SSBP3: variants seen among roughly 807,000 people sequenced by gnomAD.
SSBP3 encodes single-stranded DNA-binding protein 3.
SSBP3 carries 5 observed loss-of-function variants against 69.6 expected under a neutral mutation model. The observed-to-expected ratio is 0.07, with a 90% CI of 0.04 to 0.15. SSBP3 has a LOEUF of 0.15. SSBP3 is among the 10% of genes least tolerant of loss of function. The pLI is 1.00. For synonymous variants in SSBP3, 196 were observed against 193.4 expected (o/e 1.01, Z -0.11); for missense variants, 312 against 534.0 (o/e 0.58, Z 4.10).
chr1:54,394,674 CTCACTGTCTCCTTAAGACTCCTTT>C (rs1177066376), intron 4 of SSBP3, among the ~76,000 whole-genome samples: 11 of 150,420 alleles, frequency 7.3e-5, no homozygotes, highest in African/African-American at 2.7e-4. Context: ...CCTTCTCAAG[CTCACTGTCTCCTTAAGACTCCTTT>C]TTTTTTTTTT....
intron 4 of SSBP3, among the ~76,000 whole-genome samples, chr1:54,377,062 C>A (rs1390927054): frequency 6.6e-6 from 1 of 152,332 alleles, no homozygotes; most frequent in Middle Eastern, 3.4e-3. Flanking sequence ...GACACACAGT[C>A]CTCAGTCAAG....
intron 4 of SSBP3, among the ~76,000 whole-genome samples, chr1:54,355,854 C>G (rs1030426679): frequency 6.6e-6 from 1 of 152,182 alleles, no homozygotes; most frequent in Non-Finnish European, 1.5e-5. Context: ...CGAGGGGACA[C>G]GATCCCACGT....
At chr1:54,291,535 T>C (rs569387376) in intron 4 of SSBP3, among the ~76,000 whole-genome samples, 2 of 152,350 alleles carry the variant, frequency 1.3e-5, no homozygotes, top group African/African-American at 2.4e-5. Context: ...CTTTAAAGCA[T>C]GCACTAATTG....
chr1:54,340,573 A>G (rs1646589905), intron 4 of SSBP3, among the ~76,000 whole-genome samples: 1 of 152,250 alleles, frequency 6.6e-6, no homozygotes, highest in South Asian at 2.1e-4. Context: ...CTTTATTTTT[A>G]GCCACGCATG....
At chr1:54,388,889 A>G (rs112617191) in intron 4 of SSBP3, among the ~76,000 whole-genome samples, 121 of 152,334 alleles carry the variant, frequency 7.9e-4, no homozygotes, top group African/African-American at 2.6e-3. Context: ...GGGAAACACG[A>G]GGGATGTCCC....
At chr1:54,240,150 C>G (rs1372295594) in intron 13 of SSBP3, among the ~76,000 whole-genome samples, 2 of 149,140 alleles carry the variant, frequency 1.3e-5, no homozygotes, top group African/African-American at 4.9e-5. Context: ...TGCACGCATG[C>G]CCTCTTTTGT....
chr1:54,396,219 A>C (rs890323456), intron 4 of SSBP3, among the ~76,000 whole-genome samples: 2 of 142,620 alleles, frequency 1.4e-5, no homozygotes, highest in Non-Finnish European at 3.0e-5. Context: ...AAAAAAAAAA[A>C]CAACCCCATT....
intron 14 of SSBP3, among the ~76,000 whole-genome samples, chr1:54,231,814 CCTCCCAGGTAGCTGGGA>C (rs1644383676): frequency 6.6e-6 from 1 of 152,200 alleles, no homozygotes; most frequent in South Asian, 2.1e-4. Flanking sequence ...CATGCGTCAG[CCTCCCAGGTAGCTGGGA>C]CTACAGGTGC....
At position 54,405,643 on chromosome 1, in the gene SSBP3, G is replaced by T. The variant is rs538891552; in HGVS notation, c.56+310C>A. On this transcript the variant is annotated intron_variant, in intron 1 of 17. Coordinates refer to ENST00000610401, the Ensembl canonical transcript of SSBP3. Reference sequence around the variant, plus strand: ...GCTGGGGAGAACGTCGAGGCTCGCTGGCGGGACCTCGCCCACCACTCACCG... The same window carrying T: ...GCTGGGGAGAACGTCGAGGCTCGCTTGCGGGACCTCGCCCACCACTCACCG... 3.3e-3 allele frequency: 509 copies of T among 156,176 alleles called. 3 individuals carry two copies. The highest frequency in any genetic ancestry group is 0.012 in the African/African-American group (492 of 41,608). 9.7% of individuals were successfully genotyped at this position (156,176 alleles called of 1,614,324 possible).
intron 5 of SSBP3, among the ~76,000 whole-genome samples, chr1:54,263,239 C>T (rs570306477): frequency 2.0e-5 from 3 of 152,312 alleles, no homozygotes; most frequent in Non-Finnish European, 4.4e-5. Context: ...AAGGACTCTG[C>T]GGAAAAGCAT....
intron 2 of SSBP3, 45 bp downstream of exon 2, chr1:54,404,813 G>C (rs199558772): frequency 2.0e-6 from 2 of 1,013,602 alleles, no homozygotes; most frequent in East Asian, 6.2e-5. Context: ...AATAGTGGGG[G>C]GGGGGGGTGT....
chr1:54,306,819 A>C (rs1032034567), intron 4 of SSBP3, among the ~76,000 whole-genome samples: 2 of 152,068 alleles, frequency 1.3e-5, no homozygotes, highest in African/African-American at 2.4e-5. Flanking sequence ...ATTTTTTTAA[A>C]TAAAAAAGCA....
chr1:54,370,909 T>C (rs116720550), intron 4 of SSBP3, among the ~76,000 whole-genome samples: 86 of 151,738 alleles, frequency 5.7e-4, no homozygotes, highest in African/African-American at 2.0e-3. Context: ...GGGATCCCAG[T>C]GTCTTTGGTG....
intron 9 of SSBP3, among the ~76,000 whole-genome samples, chr1:54,248,492 T>C (rs537019252): frequency 6.6e-6 from 1 of 152,340 alleles, no homozygotes; most frequent in Admixed American, 6.5e-5. Context: ...CTGTCAGGAC[T>C]GTGCTTTCCA....
At chr1:54,384,787 G>T (rs1330139002) in intron 4 of SSBP3, among the ~76,000 whole-genome samples, 1 of 152,116 alleles carries the variant, frequency 6.6e-6, no homozygotes, top group East Asian at 1.9e-4. Flanking sequence ...TCAAAACACA[G>T]AAATATTCCG....
intron 4 of SSBP3, among the ~76,000 whole-genome samples, chr1:54,337,277 T>G (rs1646523599): frequency 1.3e-5 from 2 of 152,014 alleles, no homozygotes; most frequent in Admixed American, 1.3e-4. Context: ...CACACTCAGG[T>G]GGCACAGTGC....
intron 5 of SSBP3, among the ~76,000 whole-genome samples, chr1:54,281,030 A>C (rs1054359431): frequency 6.6e-6 from 1 of 152,216 alleles, no homozygotes; most frequent in Non-Finnish European, 1.5e-5. Flanking sequence ...CAAGTAAAGT[A>C]AACAATGACA....
rs1361844646 is a variant in SSBP3, at chr1:54,258,710, A to T, written c.367-561T>A. On this transcript the variant is annotated intron_variant, in intron 5 of 17. Coordinates refer to ENST00000610401, the Ensembl canonical transcript of SSBP3. The surrounding 1 kb of genome is among the most constrained non-coding windows in gnomAD (Gnocchi z 4.5). Reference sequence around the variant, plus strand: ...TCCTGGGGGCAGGAGGGCCGGGGGCACCGACAGATAAACAACAGAGGCAAG... The same window carrying T: ...TCCTGGGGGCAGGAGGGCCGGGGGCTCCGACAGATAAACAACAGAGGCAAG... 6.6e-6 allele frequency among the ~76,000 whole-genome samples: 1 copy of T among 152,138 alleles called. No individual in the cohort carries two copies. The highest frequency in any genetic ancestry group is 1.5e-5 in the Non-Finnish European group (1 of 68,012).
At chr1:54,316,449 C>T (rs1325213684) in intron 4 of SSBP3, among the ~76,000 whole-genome samples, 3 of 147,006 alleles carry the variant, frequency 2.0e-5, no homozygotes, top group African/African-American at 7.6e-5. Flanking sequence ...ACCATCCTGG[C>T]TAACAAGGTG....
Sources: allele counts gnomAD v4.1 joint callset (sites outside exome capture counted in the v4.1 genomes callset), GRCh38; gene constraint gnomAD v4.1.1; non-coding constraint Gnocchi (gnomAD v3.1); transcripts MANE v1.5; gene names NCBI Gene and HGNC (gene_info 2026-07-23, HGNC 2026-07-21).